UGT2A3: variants seen among roughly 807,000 people sequenced by gnomAD.
UGT2A3 encodes the protein UDP-glucuronosyltransferase 2A3.
A neutral mutation model predicts 44.1 loss-of-function variants in UGT2A3; 55 were observed. The observed-to-expected ratio is 1.25, with a 90% CI of 1.00 to 1.56. UGT2A3 has a LOEUF of 1.56. Among genes scored for constraint, UGT2A3 ranks in the 40% most tolerant of loss-of-function variants. UGT2A3 has a pLI of 0.00. For missense variants in UGT2A3, 733 were observed against 621.6 expected (o/e 1.18, Z -1.91); for synonymous variants, 243 against 215.1 (o/e 1.13, Z -1.13).
At chr4:68,943,026 AATT>A (rs1718256402) in intron 2 of UGT2A3, among the ~76,000 whole-genome samples, 1 of 151,820 alleles carries the variant, frequency 6.6e-6, no homozygotes. Flanking sequence ...AAACATGTGC[AATT>A]ATTACATGTC....
At chr4:68,947,077 G>T (rs905014424) in intron 1 of UGT2A3, among the ~76,000 whole-genome samples, 1 of 151,640 alleles carries the variant, frequency 6.6e-6, no homozygotes, top group African/African-American at 2.4e-5. Flanking sequence ...AGACAACAAA[G>T]ATTGTTGCAT....
intron 2 of UGT2A3, among the ~76,000 whole-genome samples, chr4:68,938,280 T>G (rs552251683): frequency 2.7e-4 from 41 of 152,200 alleles, no homozygotes; most frequent in African/African-American, 8.4e-4. Context: ...CCAATATCTC[T>G]GAGGAATATC....
In UGT2A3 at chr4:68,951,485, G is replaced by A. The variant is rs759137730; in HGVS notation, c.276C>T (p.Asp92=). Residue 92 remains aspartate (D), a synonymous_variant, in exon 1 of 6, where the codon GAC becomes GAT. Transcript: ENST00000251566. ...AGCCTGGCAAGACATTCAGAGCTAGGTCAACAAATATTTCATTTTCTTCTG... is the reference window on the plus strand; with the variant it reads ...AGCCTGGCAAGACATTCAGAGCTAGATCAACAAATATTTCATTTTCTTCTG... ...DRTEENEIFV[D]LALNVLPGLS... 7 of 1,612,498 alleles carry A rather than the reference G, an allele frequency of 4.3e-6. No individual in the cohort carries two copies. In the South Asian group the frequency reaches 5.5e-5, roughly 13 times the overall value.
rs573909215 is a variant in UGT2A3 at position 68,936,397 on chromosome 4, G to C, written c.865-3638C>G. On this transcript the variant is annotated intron_variant, in intron 2 of 5. Transcript: ENST00000251566. Reference sequence around the variant, plus strand: ...ACCCTACAAGCCAGAAGAGAGTGGGGGCCAATATTCAACATTCTTAAAGGA... The same window carrying C: ...ACCCTACAAGCCAGAAGAGAGTGGGCGCCAATATTCAACATTCTTAAAGGA... Among the ~76,000 whole-genome samples, 11 of 152,120 alleles carry C rather than the reference G, an allele frequency of 7.2e-5. No homozygotes were observed. The South Asian group carries it at 2.3e-3, about 32-fold the overall frequency.
chr4:68,937,853 G>C (rs1057058973), intron 2 of UGT2A3, among the ~76,000 whole-genome samples: 6 of 152,064 alleles, frequency 3.9e-5, no homozygotes, highest in African/African-American at 1.4e-4. Context: ...AAATCAAATA[G>C]ACACAATAAA....
In UGT2A3 at chr4:68,929,906, G is replaced by A. The variant is rs1717658875; in HGVS notation, c.1491C>T (p.Ala497=). The change falls in exon 6 of 6, where the codon GCC becomes GCT. Residue 497 remains alanine, a synonymous_variant. Transcript: ENST00000251566. ...YSIDVIGFLL[A]CVATAIFLFT... The stretch of plus-strand genomic sequence containing the variant: ...ACAAGAATATAGCAGTTGCCACACA[G>A]GCCAGCAGGAACCCAATCACATCTA... 1 of 1,613,348 alleles carries A rather than the reference G, an allele frequency of 6.2e-7. No homozygotes were observed. Among genetic ancestry groups the A allele is most frequent in the South Asian group, 1.1e-5 (1 of 91,052 alleles).
chr4:68,932,550 T>G, intron 3 of UGT2A3, 78 bp downstream of exon 3: 724 of 1,493,986 alleles, frequency 4.8e-4, no homozygotes, highest in Non-Finnish European at 5.9e-4. Flanking sequence ...AAGTGGAAAA[T>G]GAGATTCAAG....
rs558451040 is a variant in UGT2A3, at chr4:68,930,636, T to A, written c.1214A>T (p.Lys405Met). The change falls in exon 5 of 6, where the codon AAG becomes ATG. Residue 405 changes from lysine (K) to methionine (M), a missense_variant. Coordinates refer to ENST00000251566, the MANE Select transcript of UGT2A3 (RefSeq NM_024743.4). ...TATTTCTACAGCTGCTCCTTTGGCC[T>A]TCATGTGAGCTATGTTATCAAGCTG... ...GDQLDNIAHMKAKGAAVEINF... is the reference protein window; with the variant it reads ...GDQLDNIAHMMAKGAAVEINF... 1.1e-5 allele frequency: 18 copies of A among 1,613,578 alleles called. No homozygotes were observed. In the South Asian group the frequency reaches 1.8e-4, roughly 16 times the overall value.
chr4:68,933,521 C>T (rs1444616942), intron 2 of UGT2A3, among the ~76,000 whole-genome samples: 1 of 152,024 alleles, frequency 6.6e-6, no homozygotes, highest in Non-Finnish European at 1.5e-5. Context: ...CTAATCACAG[C>T]AAATGGCAAA....
chr4:68,943,397 T>C, intron 2 of UGT2A3: 5 of 1,017,272 alleles, frequency 4.9e-6, no homozygotes, highest in Non-Finnish European at 6.4e-6. Context: ...TAAAGTGATA[T>C]TAATAATTAA....
intron 2 of UGT2A3, among the ~76,000 whole-genome samples, chr4:68,942,638 G>T (rs1718243084): frequency 6.6e-6 from 1 of 150,446 alleles, no homozygotes; most frequent in Non-Finnish European, 1.5e-5. Flanking sequence ...AACCTCCAGG[G>T]CATAATGTTA....
chr4:68,951,122 C>G lies in UGT2A3; in HGVS notation c.639G>C (p.Met213Ile), dbSNP rs1044070944. 3.7e-6 allele frequency: 6 copies of G among 1,611,246 alleles called. No individual in the cohort carries two copies. Among genetic ancestry groups the G allele is most frequent in the Non-Finnish European group, 5.1e-6 (6 of 1,178,766 alleles). The change falls in exon 1 of 6, where the codon ATG becomes ATC. Residue 213 changes from methionine (M) to isoleucine (I), a missense_variant. By Grantham distance (10) the Met-to-Ile change is conservative. Coordinates refer to ENST00000251566, the MANE Select transcript of UGT2A3 (RefSeq NM_024743.4). The stretch of plus-strand genomic sequence containing the variant: ...TCCAGAAGTGGAACAAAACTGAAAG[C>G]ATTGAATTTTTTACTCTTTCCAGAA... Reference protein sequence around the residue: ...MTFLERVKNSMLSVLFHFWIQ... With the variant: ...MTFLERVKNSILSVLFHFWIQ...
chr4:68,935,272 GTATGTATA>G (rs1246065939), intron 2 of UGT2A3, among the ~76,000 whole-genome samples: 62 of 89,272 alleles, frequency 6.9e-4, no homozygotes, highest in Middle Eastern at 6.2e-3. Context: ...ATGTATGTAT[GTATGTATA>G]TATATATATA....
At chr4:68,945,479 A>G (rs1458686477) in intron 1 of UGT2A3, 25 bp from the exon 2 acceptor site, 1 of 1,559,476 alleles carries the variant, frequency 6.4e-7, no homozygotes, top group Non-Finnish European at 8.7e-7. Flanking sequence ...TAACAGAATG[A>G]ATTAGCATAC....
intron 2 of UGT2A3, 78 bp downstream of exon 2, chr4:68,945,228 T>C (rs1356886250): frequency 6.5e-7 from 1 of 1,540,310 alleles, no homozygotes; most frequent in Non-Finnish European, 8.9e-7. Context: ...CATCCTTCTA[T>C]AACTAAGGTT....
intron 2 of UGT2A3, among the ~76,000 whole-genome samples, chr4:68,942,093 A>G (rs191282892): frequency 6.6e-6 from 1 of 151,940 alleles, no homozygotes; most frequent in East Asian, 2.0e-4. Flanking sequence ...AAATGAAAAT[A>G]GAACTACCAT....
intron 2 of UGT2A3, among the ~76,000 whole-genome samples, chr4:68,936,321 A>G (rs116560226): frequency 0.024 from 3,658 of 152,208 alleles, 58 homozygotes; most frequent in Non-Finnish European, 0.038. Context: ...GAGAAAGGTC[A>G]GGTTACCGAC....
At chr4:68,936,178 G>A (rs1413496197) in intron 2 of UGT2A3, among the ~76,000 whole-genome samples, 1 of 151,996 alleles carries the variant, frequency 6.6e-6, no homozygotes, top group African/African-American at 2.4e-5. Flanking sequence ...ACCTAGCGAG[G>A]CAGGCCAACA....
At position 68,930,916 on chromosome 4, in the gene UGT2A3, A is replaced by T. The variant is rs781593501; in HGVS notation, c.1085-151T>A. ...AGCACATGGAGCATTGCTACTAAAG[A>T]TCATTTCTATCTCCAGAAAAATAGG... On this transcript the variant is annotated intron_variant, in intron 4 of 5. Transcript: ENST00000251566. 55 of 772,996 alleles carry T rather than the reference A, an allele frequency of 7.1e-5. No homozygotes were observed. In the Middle Eastern group the frequency reaches 2.1e-3, roughly 30 times the overall value. 47.9% of individuals were successfully genotyped at this position (772,996 alleles called of 1,614,324 possible). A position where few individuals can be genotyped will look rare whatever the true frequency, so the allele number is the denominator to read the frequency against.
Sources: gnomAD v4.1 joint callset for allele counts (sites outside exome capture counted in the v4.1 genomes callset) on GRCh38, gnomAD v4.1.1 for gene constraint, MANE v1.5 for transcripts, NCBI Gene and HGNC (gene_info 2026-07-23, HGNC 2026-07-21) for gene names.